Variants in STK24 observed in about 807,000 individuals in gnomAD.
STK24 encodes the protein serine/threonine-protein kinase 24.
In STK24, 21 loss-of-function variants were observed where a neutral mutation model predicts 55.6. The ratio of observed to expected loss-of-function variants is 0.38; its 90% CI spans 0.27 to 0.54. The LOEUF is 0.54. STK24 is among the 20% of genes least tolerant of loss of function. The pLI is 0.79. For missense variants in STK24, 383 were observed against 538.4 expected, an observed-to-expected ratio of 0.71 and a Z score of 2.86; for synonymous variants, 200 against 215.2, an observed-to-expected ratio of 0.93 and a Z score of 0.62.
chr13:98,447,923 G>A lies in STK24; in HGVS notation c.*5250C>T. On this transcript the variant is annotated 3_prime_UTR_variant, in exon 11 of 11. Transcript: ENST00000539966. ...GACACGTCCCGCCATTCTCTGCCATGTCCATGAAAATAGGAGGTAGCGTTC... is the reference window on the plus strand; with the variant it reads ...GACACGTCCCGCCATTCTCTGCCATATCCATGAAAATAGGAGGTAGCGTTC... The A allele has an allele frequency of 4.9e-6, 2 of 404,422 alleles. No individual in the cohort carries two copies. The highest frequency in any genetic ancestry group is 9.0e-6 in the Non-Finnish European group (2 of 222,200). The allele number at this position is 404,422 out of a possible 1,614,324, so 25.1% of individuals were successfully genotyped here.
chr13:98,448,887 C>G lies in STK24; in HGVS notation c.*4286G>C, dbSNP rs1436916906. ...TCTGATTAATAAGCAATTTGCAGCACACAGCGTTCCACTGCGGGGTTTCAC... is the reference window on the plus strand; with the variant it reads ...TCTGATTAATAAGCAATTTGCAGCAGACAGCGTTCCACTGCGGGGTTTCAC... On this transcript the variant is annotated 3_prime_UTR_variant, in exon 11 of 11. Coordinates refer to ENST00000539966, the MANE Select transcript of STK24 (RefSeq NM_001032296.4). 1 of 152,176 alleles carries G rather than the reference C, an allele frequency of 6.6e-6. No individual in the cohort carries two copies. The allele number at this position is 152,176 out of a possible 1,614,324, so 9.4% of individuals were successfully genotyped here.
rs1335188385 is a variant in STK24 at position 98,503,028 on chromosome 13, T to TG, written c.273+16214_273+16215insC. Among the ~76,000 whole-genome samples, 7 of 146,516 alleles carry TG rather than the reference T, an allele frequency of 4.8e-5. No individual in the cohort carries two copies. The East Asian group carries it at 9.8e-4, about 20-fold the overall frequency. ...TATTAGAAATACTTTCCATGTGTTT[T>TG]TTTTTTTTTTTTTCAGTATGGTACA... On this transcript the variant is annotated intron_variant, in intron 2 of 10. Transcript: ENST00000539966.
rs575732696 is a variant in STK24, at chr13:98,567,352, A to G, written c.42+9393T>C. Among the ~76,000 whole-genome samples the G allele has an allele frequency of 3.3e-5, 5 of 152,294 alleles. No individual in the cohort carries two copies. The East Asian group carries it at 9.6e-4, about 29-fold the overall frequency. On this transcript the variant is annotated intron_variant, in intron 1 of 10. Coordinates refer to ENST00000539966, the MANE Select transcript of STK24 (RefSeq NM_001032296.4). Reference sequence around the variant, plus strand: ...TCCTGCACCGACCACCACGGAACATACGACCAGACTGATGCCACCTCCGCC... The same window carrying G: ...TCCTGCACCGACCACCACGGAACATGCGACCAGACTGATGCCACCTCCGCC...
intron 5 of STK24, among the ~76,000 whole-genome samples, chr13:98,467,690 C>A (rs1321225279): frequency 6.6e-6 from 1 of 152,096 alleles, no homozygotes; most frequent in African/African-American, 2.4e-5. Context: ...CATCTCAGGT[C>A]CAGCTGCCCC....
At chr13:98,529,035 C>G (rs889720875) in intron 1 of STK24, among the ~76,000 whole-genome samples, 4 of 152,158 alleles carry the variant, frequency 2.6e-5, no homozygotes, top group Non-Finnish European at 5.9e-5. Flanking sequence ...CTACTCACCC[C>G]AGCCAGTCAC....
intron 2 of STK24, among the ~76,000 whole-genome samples, chr13:98,506,713 A>G (rs1179037007): frequency 5.9e-5 from 9 of 152,258 alleles, no homozygotes; most frequent in Non-Finnish European, 1.0e-4. Flanking sequence ...AATACATATG[A>G]GTACAGAGGT....
At chr13:98,456,428 G>C (rs1011411352) in intron 10 of STK24, 2 of 478,006 alleles carry the variant, frequency 4.2e-6, no homozygotes, top group Middle Eastern at 3.2e-4. Flanking sequence ...CCTCCTGGGG[G>C]TGTGGAGGAC....
intron 3 of STK24, among the ~76,000 whole-genome samples, chr13:98,479,182 C>T (rs543993709): frequency 3.3e-4 from 50 of 152,310 alleles, no homozygotes; most frequent in African/African-American, 1.1e-3. Flanking sequence ...ACAGGCAAGG[C>T]GGCTGGAACT....
At position 98,543,764 on chromosome 13, in the gene STK24, C is replaced by T. The variant is rs1456791576; in HGVS notation, c.43-24291G>A. On this transcript the variant is annotated intron_variant, in intron 1 of 10. Transcript: ENST00000539966. ...GCTGCCAGCCGCCCCGAGGGTGAAG[C>T]CTGCAGATGCGGTGCCGGTCATCAA... is the stretch of plus-strand genomic sequence containing the variant. Among the ~76,000 whole-genome samples the T allele has an allele frequency of 4.6e-5, 7 of 152,194 alleles. No homozygotes were observed. The East Asian group carries it at 7.7e-4, about 17-fold the overall frequency.
chr13:98,481,413 C>A lies in STK24; in HGVS notation c.330+852G>T, dbSNP rs377591913. ...GAGAGTTCAGAGGAGACATCTGGTG[C>A]GGGCCAGCCCCACCTCCACACCCTG... On this transcript the variant is annotated intron_variant, in intron 3 of 10. Coordinates refer to ENST00000539966, the MANE Select transcript of STK24 (RefSeq NM_001032296.4). Among the ~76,000 whole-genome samples, 7 of 152,306 alleles carry A rather than the reference C, an allele frequency of 4.6e-5. No homozygotes were observed. The East Asian group carries it at 7.7e-4, about 17-fold the overall frequency.
At chr13:98,575,373 CAT>C (rs1020774593) in intron 1 of STK24, among the ~76,000 whole-genome samples, 6 of 150,902 alleles carry the variant, frequency 4.0e-5, no homozygotes, top group African/African-American at 1.2e-4. Context: ...ACTGCTTAAA[CAT>C]ATATACACAC....
At position 98,448,065 on chromosome 13, in the gene STK24, C is replaced by T. The variant is rs747332443; in HGVS notation, c.*5108G>A. The T allele has an allele frequency of 6.2e-6, 4 of 644,764 alleles. No individual in the cohort carries two copies. The African/African-American group carries it at 7.2e-5, about 12-fold the overall frequency. 39.9% of individuals were successfully genotyped at this position (644,764 alleles called of 1,614,324 possible). On this transcript the variant is annotated 3_prime_UTR_variant, in exon 11 of 11. Coordinates refer to ENST00000539966, the MANE Select transcript of STK24 (RefSeq NM_001032296.4). ...GAGTGCCCAGGCCAGTGGGTCTCCA[C>T]TGTACCTCAGGAACGCCTGGGTGCT...
At chr13:98,565,929 A>T (rs544656128) in intron 1 of STK24, among the ~76,000 whole-genome samples, 2 of 152,382 alleles carry the variant, frequency 1.3e-5, no homozygotes, top group African/African-American at 4.8e-5. Context: ...GAGTGCACAG[A>T]CAGCGCAGTG....
chr13:98,458,697 G>A (rs546393574), intron 9 of STK24, among the ~76,000 whole-genome samples: 28 of 152,306 alleles, frequency 1.8e-4, no homozygotes, highest in South Asian at 4.1e-4. Flanking sequence ...AGCAAAGGCG[G>A]CAGAAGGGCC....
intron 1 of STK24, among the ~76,000 whole-genome samples, chr13:98,564,028 A>G (rs1157197848): frequency 6.6e-6 from 1 of 152,228 alleles, no homozygotes; most frequent in Non-Finnish European, 1.5e-5. Context: ...CTAATAACAG[A>G]CGACATTATT....
intron 1 of STK24, among the ~76,000 whole-genome samples, chr13:98,562,880 C>A (rs2139454213): frequency 7.0e-6 from 1 of 142,596 alleles, no homozygotes; most frequent in East Asian, 2.1e-4. Flanking sequence ...CACACCACTA[C>A]ACTCCAGTCT....
At chr13:98,476,218 C>T (rs1345738491) in intron 3 of STK24, among the ~76,000 whole-genome samples, 1 of 150,816 alleles carries the variant, frequency 6.6e-6, no homozygotes, top group East Asian at 1.9e-4. Flanking sequence ...CTAACAAAGG[C>T]TCACTTCAAA....
Position 98,446,999 on chromosome 13 carries a change from G to T in STK24, c.*6174C>A. 1.6e-6 allele frequency: 1 copy of T among 626,272 alleles called. No individual in the cohort carries two copies. Among genetic ancestry groups the T allele is most frequent in the Admixed American group, 2.9e-5 (1 of 34,832 alleles). 38.8% of individuals were successfully genotyped at this position (626,272 alleles called of 1,614,324 possible). ...TTCTGTTCTCATGGCAGAAAGTGGG[G>T]TCCCAACTTCCCTGCGCCCTTACCC... On this transcript the variant is annotated 3_prime_UTR_variant, in exon 11 of 11. Coordinates refer to ENST00000539966, the MANE Select transcript of STK24 (RefSeq NM_001032296.4).
intron 7 of STK24, 60 bp downstream of exon 7, chr13:98,463,631 T>C: frequency 1.3e-6 from 2 of 1,515,416 alleles, no homozygotes; most frequent in Non-Finnish European, 1.8e-6. Flanking sequence ...CACCAAACAG[T>C]GACAAAGACC....
Sources: gnomAD v4.1 joint callset for allele counts (sites outside exome capture counted in the v4.1 genomes callset) on GRCh38, gnomAD v4.1.1 for gene constraint, MANE v1.5 for transcripts, NCBI Gene and HGNC (gene_info 2026-07-23, HGNC 2026-07-21) for gene names.